Variants in PBX4 observed in about 807,000 individuals in gnomAD.
PBX4 encodes the protein pre-B-cell leukemia transcription factor 4.
PBX4 carries 26 observed loss-of-function variants against 35.1 expected under a neutral mutation model. The ratio of observed to expected loss-of-function variants is 0.74; its 90% CI spans 0.54 to 1.03. The LOEUF is 1.03. Among genes scored for constraint, PBX4 ranks in the 50% least tolerant of loss-of-function variants. The pLI, the probability that PBX4 is intolerant of heterozygous loss-of-function variation, is 0.00. For synonymous variants in PBX4, 199 were observed against 204.2 expected, an observed-to-expected ratio of 0.97 and a Z score of 0.22; for missense variants, 448 against 504.3, an observed-to-expected ratio of 0.89 and a Z score of 1.07.
chr19:19,571,120 A>T (rs2061380266), intron 2 of PBX4, among the ~76,000 whole-genome samples: 1 of 152,246 alleles, frequency 6.6e-6, no homozygotes, highest in Non-Finnish European at 1.5e-5. Context: ...GTGTGCACGC[A>T]GCAGGGCCAG....
At position 19,562,016 on chromosome 19, in the gene PBX4, C is replaced by A; in HGVS notation, c.*9G>T. The A allele has an allele frequency of 6.2e-7, 1 of 1,607,444 alleles. No homozygotes were observed. Among genetic ancestry groups the A allele is most frequent in the Non-Finnish European group, 8.5e-7 (1 of 1,175,516 alleles). ...TCACGCAGCGCTCTTTCCTGCTTAT[C>A]CCCCAAACTTAATTAGATGTACTGG... On this transcript the variant is annotated 3_prime_UTR_variant, in exon 8 of 8. Transcript: ENST00000251203. This position sits in a 1 kb window ranked among gnomAD's most constrained non-coding sequence, Gnocchi z 4.8.
chr19:19,575,060 G>A (rs1035491600), intron 2 of PBX4, among the ~76,000 whole-genome samples: 27 of 151,568 alleles, frequency 1.8e-4, no homozygotes, highest in Non-Finnish European at 3.4e-4. Flanking sequence ...GTGAAACCCC[G>A]TCTCTAATAA....
chr19:19,596,251 C>T (rs1017533919), intron 2 of PBX4, among the ~76,000 whole-genome samples: 3 of 151,814 alleles, frequency 2.0e-5, no homozygotes, highest in Non-Finnish European at 4.4e-5. Context: ...ATTAGCCAGG[C>T]GTGGTGGTGC....
intron 5 of PBX4, among the ~76,000 whole-genome samples, chr19:19,566,197 C>G (rs1490272367): frequency 3.9e-5 from 6 of 152,168 alleles, no homozygotes; most frequent in Non-Finnish European, 8.8e-5. Context: ...GCACTGGAGT[C>G]CCCCAGGGAG....
chr19:19,578,057 G>A (rs1450283198), intron 2 of PBX4, among the ~76,000 whole-genome samples: 1 of 147,272 alleles, frequency 6.8e-6, no homozygotes, highest in African/African-American at 2.5e-5. Flanking sequence ...AGGTGTGATG[G>A]CACAAGCCTG....
intron 2 of PBX4, among the ~76,000 whole-genome samples, 173 bp downstream of exon 2, chr19:19,599,119 T>C (rs1346035952): frequency 6.6e-6 from 1 of 151,856 alleles, no homozygotes; most frequent in African/African-American, 2.4e-5. Flanking sequence ...CCGGCATGCG[T>C]CACCACGCCT....
chr19:19,607,469 A>C (rs2061638476), intron 1 of PBX4, among the ~76,000 whole-genome samples: 1 of 152,232 alleles, frequency 6.6e-6, no homozygotes, highest in Non-Finnish European at 1.5e-5. Context: ...CAAAAACAAA[A>C]AAAGCCCAAA....
At position 19,564,900 on chromosome 19, in the gene PBX4, A is replaced by G. The variant is rs749446986; in HGVS notation, c.925+33T>C. Reference sequence around the variant, plus strand: ...CAGCTCAGTGGCCGTCCACATGGGTACAGATGACTGTCCCTGGGCCAGCCT... The same window carrying G: ...CAGCTCAGTGGCCGTCCACATGGGTGCAGATGACTGTCCCTGGGCCAGCCT... On this transcript the variant is annotated intron_variant, in intron 6 of 7. Transcript: ENST00000251203. 6 of 1,614,074 alleles carry G rather than the reference A, an allele frequency of 3.7e-6. No individual in the cohort carries two copies. In the South Asian group the frequency reaches 4.4e-5, roughly 12 times the overall value.
chr19:19,586,257 A>G (rs2061488336), intron 2 of PBX4, among the ~76,000 whole-genome samples: 1 of 152,100 alleles, frequency 6.6e-6, no homozygotes, highest in Non-Finnish European at 1.5e-5. Context: ...TATAAAAAGT[A>G]CAAAAATTAG....
rs751036233 is a variant in PBX4, at chr19:19,570,637, C to T, written c.390G>A (p.Lys130=). 2.0e-5 allele frequency: 32 copies of T among 1,614,068 alleles called. No individual in the cohort carries two copies. In the East Asian group the frequency reaches 5.6e-4, roughly 28 times the overall value. ...NSIEHSDYRA[K]LSQIRQIYHS... is the part of the protein sequence containing the mutation. ...GGTAAATCTGTCGGATCTGGGACAG[C>T]TTGGCCCTGTAGTCAGAGTGCTCAA... Residue 130 remains lysine, a synonymous_variant, in exon 3 of 8, where the codon AAG becomes AAA. Coordinates refer to ENST00000251203, the MANE Select transcript of PBX4 (RefSeq NM_025245.3).
intron 2 of PBX4, among the ~76,000 whole-genome samples, chr19:19,595,255 C>T (rs1413060719): frequency 2.6e-5 from 4 of 152,100 alleles, no homozygotes; most frequent in Non-Finnish European, 5.9e-5. Flanking sequence ...ACCAACATTA[C>T]ACAATTCCAC....
chr19:19,566,930 G>A (rs187973775), intron 5 of PBX4, among the ~76,000 whole-genome samples: 2 of 152,182 alleles, frequency 1.3e-5, no homozygotes, highest in South Asian at 2.1e-4. Flanking sequence ...GGCTGGTCTC[G>A]AACTCCTGAC....
At chr19:19,576,265 T>C (rs7250602) in intron 2 of PBX4, among the ~76,000 whole-genome samples, 129,955 of 152,142 alleles carry the variant, frequency 0.85, 55,904 homozygotes, top group East Asian at 1. Flanking sequence ...CTCGCTCTGT[T>C]GCCAGGCTGG....
At chr19:19,583,271 T>G (rs899331589) in intron 2 of PBX4, among the ~76,000 whole-genome samples, 1 of 149,872 alleles carries the variant, frequency 6.7e-6, no homozygotes, top group African/African-American at 2.5e-5. Flanking sequence ...AAAGCGAGAC[T>G]CCGTCTCAAA....
intron 5 of PBX4, 54 bp from the exon 6 acceptor site, chr19:19,565,143 G>A (rs1007873740): frequency 2.7e-5 from 44 of 1,609,824 alleles, no homozygotes; most frequent in Non-Finnish European, 3.1e-5. Context: ...TCTGAGACAC[G>A]ACGCAGTCTG....
intron 5 of PBX4, among the ~76,000 whole-genome samples, chr19:19,568,149 A>T (rs1447344371): frequency 0.08 from 2,655 of 33,234 alleles, no homozygotes; most frequent in Middle Eastern, 0.2. Context: ...TCCATCTGTA[A>T]CCCTCAGGGA....
chr19:19,600,672 C>T (rs896943064), intron 1 of PBX4, among the ~76,000 whole-genome samples: 1 of 151,850 alleles, frequency 6.6e-6, no homozygotes, highest in Admixed American at 6.6e-5. Context: ...TACAAAAAAG[C>T]TGGGCGTGGT....
Position 19,564,964 on chromosome 19 carries a change from G to A in PBX4, c.894C>T (p.Asn298=), listed in dbSNP as rs369823420. 12 of 1,614,210 alleles carry A rather than the reference G, an allele frequency of 7.4e-6. No individual in the cohort carries two copies. Among genetic ancestry groups the A allele is most frequent in the Non-Finnish European group, 1.0e-5 (12 of 1,180,034 alleles). Residue 298 remains asparagine (N), a synonymous_variant, in exon 6 of 8, where the codon AAC becomes AAT. Transcript: ENST00000251203. ...TAGGTGTTGACAGGCAGCTGGCGTG[G>A]TTCCCTGGGACCCCAACTTCCGTGG... ...VDTTEVGVPG[N]HASCLSTPSS...
chr19:19,576,674 G>GTA (rs1011485344), intron 2 of PBX4, among the ~76,000 whole-genome samples: 2 of 152,030 alleles, frequency 1.3e-5, no homozygotes, highest in Non-Finnish European at 2.9e-5. Flanking sequence ...GTGGAATATA[G>GTA]TAGCATCATC....
Sources: gnomAD v4.1 joint callset for allele counts (sites outside exome capture counted in the v4.1 genomes callset) on GRCh38, gnomAD v4.1.1 for gene constraint, Gnocchi (gnomAD v3.1) non-coding constraint, MANE v1.5 for transcripts, NCBI Gene and HGNC (gene_info 2026-07-23, HGNC 2026-07-21) for gene names.